RELCH: variants seen among roughly 807,000 people sequenced by gnomAD.
The protein encoded by RELCH is RAB11-binding protein RELCH.
Under a neutral mutation model 150.3 loss-of-function variants are expected in RELCH, and 41 were observed. The ratio of observed to expected loss-of-function variants is 0.27; its 90% CI spans 0.21 to 0.35. RELCH has a LOEUF of 0.35. Among genes scored for constraint, RELCH ranks in the 10% least tolerant of loss-of-function variants. RELCH has a pLI of 1.00. For missense variants in RELCH, 1,092 were observed against 1,467.8 expected, an observed-to-expected ratio of 0.74 and a Z score of 4.18; for synonymous variants, 478 against 531.8, an observed-to-expected ratio of 0.90 and a Z score of 1.39.
chr18:62,205,474 T>C (rs2039719204), intron 1 of RELCH, among the ~76,000 whole-genome samples: 1 of 152,208 alleles, frequency 6.6e-6, no homozygotes, highest in South Asian at 2.1e-4. Context: ...AAATGAAATA[T>C]TGTAGGTACT....
chr18:62,228,063 G>A (rs2041323730), intron 7 of RELCH, among the ~76,000 whole-genome samples: 1 of 152,004 alleles, frequency 6.6e-6, no homozygotes, highest in Non-Finnish European at 1.5e-5. Flanking sequence ...AGAAATTTAA[G>A]TGCCAATCAA....
intron 6 of RELCH, 21 bp from the exon 7 acceptor site, chr18:62,227,577 T>C (rs746692416): frequency 6.6e-7 from 1 of 1,525,948 alleles, no homozygotes; most frequent in Non-Finnish European, 9.0e-7. Context: ...AGTTTCTGTT[T>C]TTCTCCTGTT....
intron 18 of RELCH, among the ~76,000 whole-genome samples, chr18:62,265,730 A>G (rs1185454146): frequency 6.6e-6 from 1 of 151,956 alleles, no homozygotes; most frequent in African/African-American, 2.4e-5. Context: ...TTTAAGTTAA[A>G]TTATGTGGGC....
chr18:62,203,701 A>G (rs2039595743), intron 1 of RELCH, among the ~76,000 whole-genome samples: 1 of 152,062 alleles, frequency 6.6e-6, no homozygotes, highest in African/African-American at 2.4e-5. Flanking sequence ...TATAAGCTTC[A>G]TTTTTAAAAA....
At chr18:62,289,786 C>T (rs2145039871) in intron 26 of RELCH, among the ~76,000 whole-genome samples, 1 of 152,284 alleles carries the variant, frequency 6.6e-6, no homozygotes, top group African/African-American at 2.4e-5. Flanking sequence ...ACTTTCGAAT[C>T]CTTGAGAAAG....
rs553305452 is a variant in RELCH at position 62,307,151 on chromosome 18, G to A, written c.*1617G>A. The A allele has an allele frequency of 1.1e-4, 17 of 152,010 alleles. No individual in the cohort carries two copies. The highest frequency in any genetic ancestry group is 3.3e-4 in the Admixed American group (5 of 15,278). The allele number at this position is 152,010 out of a possible 1,614,324, so 9.4% of individuals were successfully genotyped here. On this transcript the variant is annotated 3_prime_UTR_variant, in exon 29 of 29. Transcript: ENST00000644646. The stretch of plus-strand genomic sequence containing the variant: ...GGTTTGGGCTATGCATTTTACTTTC[G>A]TTTTGAAACACTATACTTTCTATTA...
Position 62,221,026 on chromosome 18 carries a change from T to A in RELCH, c.617-11T>A, listed in dbSNP as rs558268414. On this transcript the variant is annotated splice_polypyrimidine_tract_variant and intron_variant, in intron 2 of 28. Transcript: ENST00000644646. ...GATGCCTGTGTGTGTTTATTCCAAA[T>A]CCCTGTCCAGTCCTGGAGTTTGAAC... The A allele has an allele frequency of 5.0e-6, 8 of 1,610,606 alleles. No homozygotes were observed. Among genetic ancestry groups the A allele is most frequent in the South Asian group, 1.1e-5 (1 of 90,612 alleles).
intron 2 of RELCH, among the ~76,000 whole-genome samples, chr18:62,211,759 T>C (rs2040184488): frequency 6.6e-6 from 1 of 151,172 alleles, no homozygotes. Context: ...CTTAATCTCT[T>C]AAATTAAAAA....
chr18:62,241,965 T>C (rs2042169560), intron 10 of RELCH, among the ~76,000 whole-genome samples: 2 of 152,172 alleles, frequency 1.3e-5, no homozygotes, highest in African/African-American at 2.4e-5. Context: ...ATTAGCATAT[T>C]TGGGGGCAGT....
At chr18:62,268,763 T>C (rs1361501426) in intron 19 of RELCH, 106 bp from the exon 20 acceptor site, 4 of 538,948 alleles carry the variant, frequency 7.4e-6, no homozygotes, top group Non-Finnish European at 1.3e-5. Flanking sequence ...TAATACTTAC[T>C]TGTAACCTAG....
chr18:62,259,278 G>T (rs1389973932), intron 15 of RELCH, among the ~76,000 whole-genome samples: 1 of 151,916 alleles, frequency 6.6e-6, no homozygotes, highest in East Asian at 1.9e-4. Context: ...TAGGAAGTAG[G>T]AGAGGGGAAG....
At chr18:62,224,310 C>T (rs188629648) in intron 5 of RELCH, among the ~76,000 whole-genome samples, 18 of 152,022 alleles carry the variant, frequency 1.2e-4, no homozygotes, top group Non-Finnish European at 1.8e-4. Flanking sequence ...ATCTTTTTTA[C>T]GGCTGCATAG....
At chr18:62,234,271 T>TG (rs1568355977) in intron 10 of RELCH, among the ~76,000 whole-genome samples, 1 of 151,606 alleles carries the variant, frequency 6.6e-6, no homozygotes, top group South Asian at 2.1e-4. Context: ...TCTCCCTCTA[T>TG]GGGGAGACAG....
At chr18:62,207,170 A>C (rs983879034) in intron 1 of RELCH, among the ~76,000 whole-genome samples, 10 of 152,032 alleles carry the variant, frequency 6.6e-5, no homozygotes, top group Non-Finnish European at 1.3e-4. Context: ...CCAATCACTA[A>C]TCTCTATGTC....
At chr18:62,303,971 A>T (rs2045776611) in intron 28 of RELCH, among the ~76,000 whole-genome samples, 1 of 152,178 alleles carries the variant, frequency 6.6e-6, no homozygotes, top group East Asian at 1.9e-4. Flanking sequence ...AGTAGAGGAG[A>T]TGCTTCAAAG....
Position 62,187,933 on chromosome 18 carries a change from C to G in RELCH, c.428C>G (p.Thr143Ser), listed in dbSNP as rs936607512. The G allele has an allele frequency of 1.2e-5, 19 of 1,596,832 alleles. No homozygotes were observed. Among genetic ancestry groups the G allele is most frequent in the Admixed American group, 7.1e-5 (4 of 56,520 alleles). ...NPGNFERQSG[T>S]PPGMGAPGVP... ...GGCAACTTCGAGAGGCAAAGTGGAA[C>G]CCCGCCGGGGATGGGGGCGCCAGGG... is the stretch of plus-strand genomic sequence containing the variant. Residue 143 changes from threonine to serine, a missense_variant, in exon 1 of 29, where the codon ACC becomes AGC. Physicochemically the swap from Thr to Ser is moderately conservative, Grantham distance 58 (BLOSUM62 1). Transcript: ENST00000644646.
In RELCH at chr18:62,227,688, A is replaced by T; in HGVS notation, c.1153A>T (p.Ser385Cys). 3 of 1,467,572 alleles carry T rather than the reference A, an allele frequency of 2.0e-6. No homozygotes were observed. The highest frequency in any genetic ancestry group is 2.8e-6 in the Non-Finnish European group (3 of 1,065,354). The allele number at this position is 1,467,572 out of a possible 1,614,324, so 90.9% of individuals were successfully genotyped here. Residue 385 changes from serine to cysteine, a missense_variant and splice_region_variant, in exon 7 of 29, where the codon AGT (serine) becomes TGT (cysteine). This residue lies in a region of RELCH where 707 missense variants were observed against 1,025.4 expected (regional missense o/e 0.69). Coordinates refer to ENST00000644646, the MANE Select transcript of RELCH (RefSeq NM_001346231.2). The stretch of plus-strand genomic sequence containing the variant: ...GATGGAGCAAATCAGAAGACTTAAA[A>T]GGTTAGTACTTGATCATTATTCCTA... ...SLMEQIRRLK[S>C]EMDFLKNEHF...
intron 9 of RELCH, 110 bp from the exon 10 acceptor site, chr18:62,232,222 G>T: frequency 3.2e-6 from 2 of 621,526 alleles, no homozygotes; most frequent in Non-Finnish European, 3.0e-6. Flanking sequence ...TTAAAATATT[G>T]GAATGTGTGT....
At chr18:62,255,880 A>T (rs1189872288) in intron 13 of RELCH, among the ~76,000 whole-genome samples, 1 of 152,126 alleles carries the variant, frequency 6.6e-6, no homozygotes, top group African/African-American at 2.4e-5. Flanking sequence ...CTGCATTAGC[A>T]CTAATCAGGG....
Sources: gnomAD v4.1 joint callset for allele counts (sites outside exome capture counted in the v4.1 genomes callset) on GRCh38, gnomAD v4.1.1 for gene constraint, gnomAD v4.1.1 regional missense constraint, MANE v1.5 for transcripts, NCBI Gene and HGNC (gene_info 2026-07-23, HGNC 2026-07-21) for gene names.